MIB1: variants seen among roughly 807,000 people sequenced by gnomAD.
MIB1 encodes MIB E3 ubiquitin protein ligase 1.
A neutral mutation model predicts 124.5 loss-of-function variants in MIB1; 278 were observed. The ratio of observed to expected loss-of-function variants is 2.23; its 90% CI spans 2.02 to 2.47. MIB1 has a LOEUF of 2.47. MIB1 is among the 30% of genes most tolerant of loss of function. The pLI, the probability that MIB1 is intolerant of heterozygous loss-of-function variation, is 0.00. For missense variants in MIB1, 957 were observed against 1,254.4 expected, an observed-to-expected ratio of 0.76 and a Z score of 3.58; for synonymous variants, 446 against 429.4, an observed-to-expected ratio of 1.04 and a Z score of -0.48.
intron 10 of MIB1, among the ~76,000 whole-genome samples, chr18:21,815,037 ATATATATATATATATATAT>A (rs2041815357): frequency 1.7e-5 from 2 of 119,442 alleles, no homozygotes; most frequent in Non-Finnish European, 3.3e-5. Context: ...ATATATATAT[ATATATATATATATATATAT>A]AAAATTATAT....
At chr18:21,728,513 T>C (rs1390516418) in intron 1 of MIB1, among the ~76,000 whole-genome samples, 1 of 151,766 alleles carries the variant, frequency 6.6e-6, no homozygotes, top group African/African-American at 2.4e-5. Context: ...CAAAAAACTA[T>C]CCCTAATCCA....
At chr18:21,769,526 A>G (rs1489341195) in intron 3 of MIB1, among the ~76,000 whole-genome samples, 1 of 152,146 alleles carries the variant, frequency 6.6e-6, no homozygotes, top group Non-Finnish European at 1.5e-5. Context: ...CGCCCTTTGA[A>G]GCCCTGTGAT....
rs574288348 is a variant in MIB1 at position 21,825,237 on chromosome 18, T to C, written c.1829+5591T>C. On this transcript the variant is annotated intron_variant, in intron 12 of 20. Coordinates refer to ENST00000261537, the MANE Select transcript of MIB1 (RefSeq NM_020774.4). Reference sequence around the variant, plus strand: ...AATTAAAGGCCAATACTATGGAAGATAGTGACTAAACATTTCTAGAGTGTT... The same window carrying C: ...AATTAAAGGCCAATACTATGGAAGACAGTGACTAAACATTTCTAGAGTGTT... 3.3e-5 allele frequency among the ~76,000 whole-genome samples: 5 copies of C among 152,270 alleles called. No individual in the cohort carries two copies. The East Asian group carries it at 9.6e-4, about 29-fold the overall frequency.
intron 12 of MIB1, among the ~76,000 whole-genome samples, chr18:21,825,333 A>G (rs1159190863): frequency 6.6e-6 from 1 of 152,122 alleles, no homozygotes; most frequent in Non-Finnish European, 1.5e-5. Flanking sequence ...CAATCCCATT[A>G]TGTGTTCAGG....
At chr18:21,834,188 A>G (rs2042006982) in intron 12 of MIB1, among the ~76,000 whole-genome samples, 1 of 152,192 alleles carries the variant, frequency 6.6e-6, no homozygotes, top group South Asian at 2.1e-4. Context: ...GGCTGCTCTG[A>G]ACTACTGCTG....
rs140660905 is a variant in MIB1, at chr18:21,864,467, G to A, written c.2881-59G>A. 365 of 1,353,796 alleles carry A rather than the reference G, an allele frequency of 2.7e-4. No individual in the cohort carries two copies. In the African/African-American group the frequency reaches 4.0e-3, roughly 15 times the overall value. The allele number at this position is 1,353,796 out of a possible 1,614,324, so 83.9% of individuals were successfully genotyped here. ...TAAAGAAAATTAATGATATATAACA[G>A]TCTGTCACTTTCCAAATATAAAGTG... On this transcript the variant is annotated intron_variant, in intron 20 of 20. Coordinates refer to ENST00000261537, the MANE Select transcript of MIB1 (RefSeq NM_020774.4).
intron 1 of MIB1, among the ~76,000 whole-genome samples, 192 bp from the exon 2 acceptor site, chr18:21,765,580 T>C (rs1031407506): frequency 2.6e-5 from 4 of 152,228 alleles, no homozygotes; most frequent in Non-Finnish European, 5.9e-5. Context: ...AGGGAAAATA[T>C]ATATAATTCG....
intron 10 of MIB1, among the ~76,000 whole-genome samples, chr18:21,810,186 CGAA>C (rs2041755149): frequency 6.6e-6 from 1 of 151,926 alleles, no homozygotes; most frequent in Non-Finnish European, 1.5e-5. Flanking sequence ...ATGAACTTAA[CGAA>C]GGAGATAAGA....
At position 21,853,122 on chromosome 18, in the gene MIB1, T is replaced by C. The variant is rs755044441; in HGVS notation, c.2587-18T>C. The C allele has an allele frequency of 6.4e-6, 10 of 1,573,114 alleles. No individual in the cohort carries two copies. Among genetic ancestry groups the C allele is most frequent in the Non-Finnish European group, 8.7e-6 (10 of 1,143,398 alleles). On this transcript the variant is annotated intron_variant, in intron 17 of 20. Transcript: ENST00000261537. ...TTATCTGTAAATGGTCACTGTGCTG[T>C]AACCTCTTTTTCTATAGATTGAAGA...
intron 2 of MIB1, among the ~76,000 whole-genome samples, chr18:21,766,978 A>G (rs2041168356): frequency 6.6e-6 from 1 of 152,234 alleles, no homozygotes; most frequent in Non-Finnish European, 1.5e-5. Flanking sequence ...AGAAAGATGT[A>G]GAACAATAGG....
intron 9 of MIB1, among the ~76,000 whole-genome samples, chr18:21,803,077 T>C (rs2041667126): frequency 6.6e-6 from 1 of 152,210 alleles, no homozygotes; most frequent in African/African-American, 2.4e-5. Flanking sequence ...CTTCCTGTTC[T>C]CTCTAAAGTC....
chr18:21,764,420 C>G (rs1000155266), intron 1 of MIB1, among the ~76,000 whole-genome samples: 2 of 151,962 alleles, frequency 1.3e-5, no homozygotes, highest in African/African-American at 4.8e-5. Flanking sequence ...CGGGAAGTAC[C>G]CAGTAGTGTA....
chr18:21,756,778 C>T (rs1255056228), intron 1 of MIB1, among the ~76,000 whole-genome samples: 1 of 152,094 alleles, frequency 6.6e-6, no homozygotes, highest in Non-Finnish European at 1.5e-5. Context: ...AATGTATTTT[C>T]TTAATTTTAT....
chr18:21,799,477 C>T (rs1282779179), intron 8 of MIB1, among the ~76,000 whole-genome samples: 1 of 152,016 alleles, frequency 6.6e-6, no homozygotes, highest in African/African-American at 2.4e-5. Context: ...CTGAGAGTCA[C>T]TGTAGTGTCC....
intron 1 of MIB1, among the ~76,000 whole-genome samples, chr18:21,725,094 CAAAAAAA>C (rs1218383555): frequency 4.5e-5 from 2 of 44,198 alleles, no homozygotes; most frequent in African/African-American, 8.3e-5. Flanking sequence ...GACTCTGTCT[CAAAAAAA>C]AAAAAAAAAA....
intron 1 of MIB1, among the ~76,000 whole-genome samples, chr18:21,763,566 G>A (rs1194088552): frequency 6.6e-6 from 1 of 152,012 alleles, no homozygotes; most frequent in Non-Finnish European, 1.5e-5. Context: ...TTTTTTATTA[G>A]ATATTCTTAT....
rs774176163 is a variant in MIB1 at position 21,849,406 on chromosome 18, T to C, written c.2586+18T>C. ...GGACAAAGGTAAGATATATTTAATA[T>C]AGTATTTTGTCATTTTATGAAGTTG... On this transcript the variant is annotated intron_variant, in intron 17 of 20. Coordinates refer to ENST00000261537, the MANE Select transcript of MIB1 (RefSeq NM_020774.4). 2.8e-6 allele frequency: 4 copies of C among 1,439,516 alleles called. No homozygotes were observed. The highest frequency in any genetic ancestry group is 1.4e-5 in the African/African-American group (1 of 69,668). 89.2% of individuals were successfully genotyped at this position (1,439,516 alleles called of 1,614,324 possible).
At chr18:21,758,093 A>T (rs893378050) in intron 1 of MIB1, among the ~76,000 whole-genome samples, 8 of 152,212 alleles carry the variant, frequency 5.3e-5, no homozygotes, top group Non-Finnish European at 1.0e-4. Context: ...TTCTTCATCC[A>T]TAAAATGGGG....
At chr18:21,813,163 G>A (rs2041793293) in intron 10 of MIB1, among the ~76,000 whole-genome samples, 1 of 150,904 alleles carries the variant, frequency 6.6e-6, no homozygotes, top group Non-Finnish European at 1.5e-5. Context: ...TACAGTGTTA[G>A]TGGCCTGATG....
Sources: allele counts gnomAD v4.1 joint callset (sites outside exome capture counted in the v4.1 genomes callset), GRCh38; gene constraint gnomAD v4.1.1; transcripts MANE v1.5; gene names NCBI Gene and HGNC (gene_info 2026-07-23, HGNC 2026-07-21).